The following RGMA variants were observed in gnomAD, a reference collection of about 807,000 sequenced individuals.
RGMA encodes the protein repulsive guidance molecule A.
A neutral mutation model predicts 23.2 loss-of-function variants in RGMA; 10 were observed. That is an observed-to-expected ratio of 0.43 (90% CI 0.27 to 0.73). The LOEUF (loss-of-function observed/expected upper bound fraction) is 0.73. RGMA is among the 30% of genes least tolerant of loss of function. RGMA has a pLI of 0.20. For synonymous variants in RGMA, 308 were observed against 279.3 expected (o/e 1.10, Z -1.03); for missense variants, 547 against 630.5 (o/e 0.87, Z 1.42).
intron 2 of RGMA, among the ~76,000 whole-genome samples, chr15:93,057,460 A>C (rs2055032809): frequency 6.6e-6 from 1 of 152,134 alleles, no homozygotes; most frequent in Non-Finnish European, 1.5e-5. Context: ...TATAATGAGA[A>C]GTCCACAGTC....
At chr15:93,081,693 A>G (rs1393464161) in intron 1 of RGMA, among the ~76,000 whole-genome samples, 1 of 152,250 alleles carries the variant, frequency 6.6e-6, no homozygotes, top group East Asian at 1.9e-4. Flanking sequence ...TATTTGGATT[A>G]ATGAATAATT....
In RGMA at chr15:93,088,383, A is replaced by G. The variant is rs994572050; in HGVS notation, c.14+536T>C. 31 of 985,350 alleles carry G rather than the reference A, an allele frequency of 3.1e-5. No homozygotes were observed. The African/African-American group carries it at 4.5e-4, about 14-fold the overall frequency. 61.0% of individuals were successfully genotyped at this position (985,350 alleles called of 1,614,324 possible). A position where few individuals can be genotyped will look rare whatever the true frequency, so the allele number is the denominator to read the frequency against. ...TTGGCAATGGGCATCCTCGGCCCTC[A>G]ATCCAAGGTCCGCACCTTCCCGTAC... is the stretch of plus-strand genomic sequence containing the variant. On this transcript the variant is annotated intron_variant, in intron 1 of 3. Transcript: ENST00000329082.
chr15:93,065,643 C>T (rs1285214738), intron 2 of RGMA: 8 of 935,294 alleles, frequency 8.6e-6, no homozygotes, highest in African/African-American at 5.0e-5. Flanking sequence ...GTCTCAGGGG[C>T]TGCGGGCTGC....
At chr15:93,048,087 T>C (rs954750113) in intron 3 of RGMA, among the ~76,000 whole-genome samples, 6 of 152,130 alleles carry the variant, frequency 3.9e-5, no homozygotes, top group African/African-American at 1.4e-4. Context: ...CTAAGAGGCC[T>C]GAGGCCTGGA....
At chr15:93,068,086 G>C (rs1250501096) in intron 2 of RGMA, among the ~76,000 whole-genome samples, 1 of 152,036 alleles carries the variant, frequency 6.6e-6, no homozygotes, top group Non-Finnish European at 1.5e-5. Flanking sequence ...ATAAAACTAG[G>C]GTTTTAATCT....
In RGMA at chr15:93,088,948, G is replaced by A; in HGVS notation, c.-16C>T. On this transcript the variant is annotated 5_prime_UTR_variant, in exon 1 of 4. Transcript: ENST00000329082. ...GCGGCTGCATGAGCCCCTGCGGCCC[G>A]CGGGGGGTGGCGCTGGCGGGGCTGC... is the stretch of plus-strand genomic sequence containing the variant. 1.4e-6 allele frequency: 2 copies of A among 1,397,884 alleles called. No homozygotes were observed. Among genetic ancestry groups the A allele is most frequent in the Non-Finnish European group, 1.8e-6 (2 of 1,083,640 alleles). The allele number at this position is 1,397,884 out of a possible 1,614,324, so 86.6% of individuals were successfully genotyped here.
intron 2 of RGMA, among the ~76,000 whole-genome samples, chr15:93,057,490 C>T (rs1445782486): frequency 6.6e-6 from 1 of 152,144 alleles, no homozygotes; most frequent in Non-Finnish European, 1.5e-5. Flanking sequence ...GGAGGAGGGC[C>T]CTCTCTCTAG....
intron 1 of RGMA, among the ~76,000 whole-genome samples, chr15:93,075,808 G>A (rs12903384): frequency 0.45 from 68,251 of 151,920 alleles, 16,315 homozygotes; most frequent in African/African-American, 0.62. Context: ...TGGGAAAGGG[G>A]CACAAAAGGC....
chr15:93,073,125 C>G (rs1895392151), intron 1 of RGMA, 94 bp from the exon 2 acceptor site: 1 of 1,298,938 alleles, frequency 7.7e-7, no homozygotes, highest in Non-Finnish European at 9.8e-7. Context: ...AGCCGGGAGG[C>G]TCCGTCCACC....
chr15:93,035,299 A>G lies in RGMA; in HGVS notation c.*9699T>C, dbSNP rs2054649252. On this transcript the variant is annotated 3_prime_UTR_variant, in exon 4 of 4. Coordinates refer to ENST00000329082, the MANE Select transcript of RGMA (RefSeq NM_020211.3). ...GATCTGCTAAAACTTTATTGACGGC[A>G]TATGTTAAAGACAGTAAGAAAGACT... The G allele has an allele frequency of 6.6e-6, 1 of 152,230 alleles. No individual in the cohort carries two copies. Among genetic ancestry groups the G allele is most frequent in the South Asian group, 2.1e-4 (1 of 4,824 alleles). The allele number at this position is 152,230 out of a possible 1,614,324, so 9.4% of individuals were successfully genotyped here. A position where few individuals can be genotyped will look rare whatever the true frequency, so the allele number is the denominator to read the frequency against.
rs2054776428 is a variant in RGMA, at chr15:93,044,327, G to T, written c.*671C>A. The T allele has an allele frequency of 6.5e-6, 1 of 152,814 alleles. No individual in the cohort carries two copies. Among genetic ancestry groups the T allele is most frequent in the Non-Finnish European group, 1.5e-5 (1 of 68,524 alleles). 9.5% of individuals were successfully genotyped at this position (152,814 alleles called of 1,614,324 possible). A position where few individuals can be genotyped will look rare whatever the true frequency, so the allele number is the denominator to read the frequency against. ...CAGGCCAGAGACGGGCAGCTGAGCAGGTGCCTGAAAACCGGGACCTGCACT... is the reference window on the plus strand; with the variant it reads ...CAGGCCAGAGACGGGCAGCTGAGCATGTGCCTGAAAACCGGGACCTGCACT... On this transcript the variant is annotated 3_prime_UTR_variant, in exon 4 of 4. Transcript: ENST00000329082.
intron 1 of RGMA, among the ~76,000 whole-genome samples, chr15:93,086,852 T>C (rs1895641172): frequency 1.3e-5 from 2 of 152,248 alleles, no homozygotes; most frequent in Non-Finnish European, 2.9e-5. Context: ...CAGCAAGTTA[T>C]TCCTTGGAGG....
chr15:93,056,822 G>A (rs1294342298), intron 2 of RGMA, among the ~76,000 whole-genome samples: 1 of 152,196 alleles, frequency 6.6e-6, no homozygotes, highest in Non-Finnish European at 1.5e-5. Flanking sequence ...ACCTTAAAGG[G>A]TCGCTGAGGA....
At chr15:93,052,615 G>C in intron 2 of RGMA, 108 bp from the exon 3 acceptor site, 1 of 1,239,462 alleles carries the variant, frequency 8.1e-7, no homozygotes, top group Non-Finnish European at 1.1e-6. Flanking sequence ...ATCTAGGGCA[G>C]AGCCACCCAT....
chr15:93,052,726 G>C (rs2054948268), intron 2 of RGMA, among the ~76,000 whole-genome samples: 1 of 151,580 alleles, frequency 6.6e-6, no homozygotes, highest in Non-Finnish European at 1.5e-5. Flanking sequence ...ACACCAGCAG[G>C]CTGAAAGGGC....
chr15:93,086,101 C>T (rs1325683667), intron 1 of RGMA, among the ~76,000 whole-genome samples: 1 of 152,148 alleles, frequency 6.6e-6, no homozygotes, highest in East Asian at 1.9e-4. Context: ...CCTGGAGCTT[C>T]CCTTCTTCAG....
At chr15:93,073,298 A>G in intron 1 of RGMA, 3 of 714,056 alleles carry the variant, frequency 4.2e-6, no homozygotes, top group Non-Finnish European at 5.5e-6. Flanking sequence ...CCGGCGAGGT[A>G]GCCGGAGGCG....
At chr15:93,073,345 C>T (rs1168898494) in intron 1 of RGMA, among the ~76,000 whole-genome samples, 1 of 151,938 alleles carries the variant, frequency 6.6e-6, no homozygotes. Context: ...CCGCAGCGCT[C>T]GCCGTGAGGA....
chr15:93,064,380 C>T lies in RGMA; in HGVS notation c.130+8536G>A, dbSNP rs117441896. Among the ~76,000 whole-genome samples, 212 of 152,384 alleles carry T rather than the reference C, an allele frequency of 1.4e-3. 5 individuals are homozygous for T. The East Asian group carries it at 0.032, about 23-fold the overall frequency. Reference sequence around the variant, plus strand: ...GGTCCTCCAGCTTTGAGGCATACCTCCTTCTCCTGAGTCTAGGGCTGGCGC... The same window carrying T: ...GGTCCTCCAGCTTTGAGGCATACCTTCTTCTCCTGAGTCTAGGGCTGGCGC... On this transcript the variant is annotated intron_variant, in intron 2 of 3. Coordinates refer to ENST00000329082, the MANE Select transcript of RGMA (RefSeq NM_020211.3).
Sources: allele counts gnomAD v4.1 joint callset (sites outside exome capture counted in the v4.1 genomes callset), GRCh38; gene constraint gnomAD v4.1.1; transcripts MANE v1.5; gene names NCBI Gene and HGNC (gene_info 2026-07-23, HGNC 2026-07-21).